Variants in SEPTIN8 observed in about 807,000 individuals in gnomAD.
SEPTIN8 encodes septin 8, also known as septin-8.
Under a neutral mutation model 53.1 loss-of-function variants are expected in SEPTIN8, and 22 were observed. The ratio of observed to expected loss-of-function variants is 0.41; its 90% CI spans 0.30 to 0.59. SEPTIN8 has a LOEUF of 0.59. SEPTIN8 is among the 20% of genes least tolerant of loss of function. SEPTIN8 has a pLI of 0.24. For missense variants in SEPTIN8, 536 were observed against 638.7 expected (o/e 0.84, Z 1.73); for synonymous variants, 228 against 248.4 (o/e 0.92, Z 0.77).
At chr5:132,770,430 T>C (rs534889130) in intron 1 of SEPTIN8, among the ~76,000 whole-genome samples, 2 of 152,118 alleles carry the variant, frequency 1.3e-5, no homozygotes, top group South Asian at 2.1e-4. Context: ...TCCACCTGCG[T>C]TGGCCTCCCA....
intron 1 of SEPTIN8, among the ~76,000 whole-genome samples, chr5:132,770,456 A>G (rs1757212287): frequency 6.6e-6 from 1 of 152,128 alleles, no homozygotes; most frequent in Admixed American, 6.5e-5. Context: ...CTGGGATTAC[A>G]GGTGTGAGCC....
intron 5 of SEPTIN8, among the ~76,000 whole-genome samples, chr5:132,762,223 C>A (rs1273565576): frequency 6.6e-6 from 1 of 152,230 alleles, no homozygotes; most frequent in East Asian, 1.9e-4. Context: ...GCCTGCTCAA[C>A]TGCTTCCATT....
intron 9 of SEPTIN8, chr5:132,758,609 G>A (rs913916463): frequency 2.4e-5 from 38 of 1,602,022 alleles, no homozygotes; most frequent in Middle Eastern, 1.7e-4. Context: ...TGGCTTTTAC[G>A]TGTTTGCATA....
chr5:132,755,629 G>A (rs549442284), intron 9 of SEPTIN8, among the ~76,000 whole-genome samples: 5 of 152,286 alleles, frequency 3.3e-5, no homozygotes, highest in South Asian at 2.1e-4. Flanking sequence ...ATATGGTTCC[G>A]AGCAGTCCTG....
rs548630239 is a variant in SEPTIN8 at position 132,776,432 on chromosome 5, T to C, written c.30+676A>G. On this transcript the variant is annotated intron_variant, in intron 1 of 9. Transcript: ENST00000378719. The surrounding 1 kb of genome is among the most constrained non-coding windows in gnomAD (Gnocchi z 4.4). ...CAGGGACATCAACCTTCTGAGGACC[T>C]GGACTGGAGCCCAAATAAACGCCCA... 6.6e-6 allele frequency among the ~76,000 whole-genome samples: 1 copy of C among 152,346 alleles called. No individual in the cohort carries two copies. The highest frequency in any genetic ancestry group is 1.9e-4 in the East Asian group (1 of 5,186).
At chr5:132,767,178 C>T (rs1756687689) in intron 1 of SEPTIN8, among the ~76,000 whole-genome samples, 2 of 152,208 alleles carry the variant, frequency 1.3e-5, no homozygotes, top group Non-Finnish European at 2.9e-5. Flanking sequence ...GCCCAGATCT[C>T]CTTAGGGCTG....
rs989854359 is a variant in SEPTIN8 at position 132,761,519 on chromosome 5, G to A, written c.901C>T (p.Arg301Trp). 74 of 1,613,686 alleles carry A rather than the reference G, an allele frequency of 4.6e-5. No homozygotes were observed. The highest frequency in any genetic ancestry group is 5.5e-5 in the Non-Finnish European group (65 of 1,180,012). The change falls in exon 7 of 10, where the codon CGG becomes TGG. Residue 301 changes from arginine to tryptophan, a missense_variant. Arg to Trp is a moderately radical substitution (Grantham distance 101). This residue lies in a region of SEPTIN8 where 395 missense variants were observed against 451.8 expected (regional missense o/e 0.87). Coordinates refer to ENST00000378719, the MANE Select transcript of SEPTIN8 (RefSeq NM_001098811.2). This position sits in a 1 kb window ranked among gnomAD's most constrained non-coding sequence, Gnocchi z 5.8. ...CCCATCTCCTCCAACTTGCAGCGCC[G>A]GTAGAGCTCGTAGTGCCGGCTGTGG... ...QTHSRHYELYRRCKLEEMGFQ... is the reference protein window; with the variant it reads ...QTHSRHYELYWRCKLEEMGFQ...
chr5:132,754,232 A>G (rs1755132040), intron 9 of SEPTIN8: 4 of 570,676 alleles, frequency 7.0e-6, no homozygotes, highest in South Asian at 2.4e-5. Context: ...CATTTGGAAC[A>G]CTATCTCCTA....
chr5:132,775,309 T>C (rs1159355101), intron 1 of SEPTIN8, among the ~76,000 whole-genome samples: 1 of 152,170 alleles, frequency 6.6e-6, no homozygotes, highest in Non-Finnish European at 1.5e-5. Context: ...GAGAGTGCCA[T>C]GAACAGGGCA....
intron 9 of SEPTIN8, chr5:132,758,993 G>A: frequency 1.3e-6 from 1 of 757,576 alleles, no homozygotes; most frequent in Non-Finnish European, 2.4e-6. Flanking sequence ...GGTGTCCCAG[G>A]CTAAGGGTCA....
chr5:132,767,348 C>T (rs1439224371), intron 1 of SEPTIN8, among the ~76,000 whole-genome samples: 1 of 152,110 alleles, frequency 6.6e-6, no homozygotes, highest in Non-Finnish European at 1.5e-5. Context: ...CAGCTGGTAA[C>T]TCTGAGCTCT....
chr5:132,752,118 G>T lies in SEPTIN8; in HGVS notation c.1350C>A (p.Thr450=). 1 of 1,598,790 alleles carries T rather than the reference G, an allele frequency of 6.3e-7. No individual in the cohort carries two copies. Among genetic ancestry groups the T allele is most frequent in the Non-Finnish European group, 8.5e-7 (1 of 1,172,200 alleles). ...AGTTCAAGGGCTCCACACTGGCCTT[G>T]GTCATCATCACCTTAGAGCTGGAGA... The part of the protein sequence containing the change: ...MSLSSSKVMM[T]KASVEPLNCS... Residue 450 remains threonine (T), a synonymous_variant, in exon 10 of 10, where the codon ACC becomes ACA. Transcript: ENST00000378719.
At chr5:132,764,526 G>C in intron 2 of SEPTIN8, 107 bp from the exon 3 acceptor site, 1 of 902,238 alleles carries the variant, frequency 1.1e-6, no homozygotes, top group South Asian at 1.7e-5. Context: ...ATGGCCCCTG[G>C]ATAAGAGAAA....
chr5:132,777,721 C>A (rs945262069), upstream of SEPTIN8: 1 of 985,390 alleles, frequency 1.0e-6, no homozygotes, highest in African/African-American at 1.7e-5. This position sits in a 1 kb window ranked among gnomAD's most constrained non-coding sequence, Gnocchi z 4.1. Flanking sequence ...CCGGGAGAGG[C>A]CGCGGCAGCC....
rs1283273425 is a variant in SEPTIN8, at chr5:132,752,042, C to T, written c.1426G>A (p.Ala476Thr). ...IQCCSCLVRD[A>T]TWREGFL Reference sequence around the variant, plus strand: ...CAGAGGAATCCTTCCCTCCACGTCGCATCCCTGACCAGGCAGCTGCAGCAC... The same window carrying T: ...CAGAGGAATCCTTCCCTCCACGTCGTATCCCTGACCAGGCAGCTGCAGCAC... Residue 476 changes from alanine (A) to threonine (T), a missense_variant, in exon 10 of 10, where the codon GCG becomes ACG. Coordinates refer to ENST00000378719, the MANE Select transcript of SEPTIN8 (RefSeq NM_001098811.2). 5.0e-6 allele frequency: 8 copies of T among 1,611,014 alleles called. No homozygotes were observed. Among genetic ancestry groups the T allele is most frequent in the Non-Finnish European group, 6.8e-6 (8 of 1,178,848 alleles).
chr5:132,769,978 T>TATACATAC (rs1249384957), intron 1 of SEPTIN8, among the ~76,000 whole-genome samples: 5 of 66,296 alleles, frequency 7.5e-5, no homozygotes, highest in African/African-American at 2.8e-4. Flanking sequence ...TCTCTCTATA[T>TATACATAC]ATACATATAT....
upstream of SEPTIN8, among the ~76,000 whole-genome samples, chr5:132,779,638 T>C (rs942400640): frequency 1.4e-4 from 22 of 152,388 alleles, no homozygotes; most frequent in African/African-American, 5.0e-4. Context: ...TTTTTGATGT[T>C]GTCAAGTGTA....
chr5:132,770,851 G>C (rs748885442), intron 1 of SEPTIN8, among the ~76,000 whole-genome samples: 1 of 152,218 alleles, frequency 6.6e-6, no homozygotes, highest in Non-Finnish European at 1.5e-5. Flanking sequence ...AGAGGGAGTT[G>C]GCAGCTCTGA....
In SEPTIN8 at chr5:132,776,832, C is replaced by A. The variant is rs1490873101; in HGVS notation, c.30+276G>T. 1.3e-5 allele frequency among the ~76,000 whole-genome samples: 2 copies of A among 152,196 alleles called. No homozygotes were observed. The highest frequency in any genetic ancestry group is 4.8e-5 in the African/African-American group (2 of 41,458). On this transcript the variant is annotated intron_variant, in intron 1 of 9. Coordinates refer to ENST00000378719, the MANE Select transcript of SEPTIN8 (RefSeq NM_001098811.2). This position sits in a 1 kb window ranked among gnomAD's most constrained non-coding sequence, Gnocchi z 4.4. ...ACTCTATCTTCGCACCTGCCCGGAG[C>A]CAGGCGGGTCTTTGCTCCTTCCCGC...
Sources: gnomAD v4.1 joint callset for allele counts (sites outside exome capture counted in the v4.1 genomes callset) on GRCh38, gnomAD v4.1.1 for gene constraint, gnomAD v4.1.1 regional missense constraint, Gnocchi (gnomAD v3.1) non-coding constraint, MANE v1.5 for transcripts, NCBI Gene and HGNC (gene_info 2026-07-23, HGNC 2026-07-21) for gene names.